DNAH6: variants seen among roughly 807,000 people sequenced by gnomAD.
DNAH6 encodes the protein dynein axonemal heavy chain 6, also known as axonemal beta dynein heavy chain 6.
Under a neutral mutation model 491.4 loss-of-function variants are expected in DNAH6, and 340 were observed. The ratio of observed to expected loss-of-function variants is 0.69; its 90% CI spans 0.63 to 0.76. DNAH6 has a LOEUF of 0.76. Ranked by LOEUF, DNAH6 falls within the 30% of genes least tolerant of loss-of-function variation. DNAH6 has a pLI of 0.00. For synonymous variants in DNAH6, 1,603 were observed against 1,686.1 expected (o/e 0.95, Z 1.21); for missense variants, 4,443 against 4,972.2 (o/e 0.89, Z 3.20).
At position 84,699,619 on chromosome 2, in the gene DNAH6, T is replaced by G; in HGVS notation, c.7703T>G (p.Val2568Gly). Residue 2568 changes from valine (V) to glycine (G), a missense_variant, in exon 48 of 77, where the codon GTG (valine) becomes GGG (glycine). Coordinates refer to ENST00000389394, the MANE Select transcript of DNAH6 (RefSeq NM_001370.2). Reference protein sequence around the residue: ...DEVFQYFISKVRQKLHIVLCM... With the variant: ...DEVFQYFISKGRQKLHIVLCM... ...GTGTTTCAATACTTTATCAGCAAAG[T>G]GCGTCAGAAGCTGCACATTGTTCTC... 1 of 1,551,036 alleles carries G rather than the reference T, an allele frequency of 6.4e-7. No individual in the cohort carries two copies. The highest frequency in any genetic ancestry group is 8.7e-7 in the Non-Finnish European group (1 of 1,146,822).
At chr2:84,510,326 G>C in the DNAH6 span, among the ~76,000 whole-genome samples, 1 of 151,962 alleles carries the variant, frequency 6.6e-6, no homozygotes, top group African/African-American at 2.4e-5. Flanking sequence ...TCATTCATTT[G>C]ATCTTCCATC....
rs962010013 is a variant in DNAH6 at position 84,705,594 on chromosome 2, A to G, written c.8574A>G (p.Gln2858=). 1.3e-6 allele frequency: 2 copies of G among 1,551,670 alleles called. No homozygotes were observed. Among genetic ancestry groups the G allele is most frequent in the Non-Finnish European group, 8.7e-7 (1 of 1,146,972 alleles). Residue 2858 remains glutamine (Q), a synonymous_variant, in exon 52 of 77, where the codon CAA becomes CAG. Coordinates refer to ENST00000389394, the MANE Select transcript of DNAH6 (RefSeq NM_001370.2). ...NIKPQILAKL[Q]KYINNPDFVP... ...AGCCTCAGATATTGGCAAAGCTTCA[A>G]AAGTATATTAATAATCCTGATTTTG...
At chr2:84,663,468 G>A (rs564916026) in intron 37 of DNAH6, among the ~76,000 whole-genome samples, 169 of 152,256 alleles carry the variant, frequency 1.1e-3, no homozygotes, top group South Asian at 6.4e-3. Flanking sequence ...TTCAGCAGCC[G>A]ATTCTATCAA....
chr2:84,665,266 G>A (rs373654421), intron 37 of DNAH6, among the ~76,000 whole-genome samples: 1 of 152,034 alleles, frequency 6.6e-6, no homozygotes, highest in Non-Finnish European at 1.5e-5. Context: ...AACTGAAGGA[G>A]AGAGAGACAC....
chr2:84,521,431 A>C (rs1003396901), intron 2 of DNAH6, among the ~76,000 whole-genome samples: 4 of 150,762 alleles, frequency 2.7e-5, no homozygotes, highest in Non-Finnish European at 5.9e-5. Flanking sequence ...TTGTTTTTTC[A>C]CTCTGTTGAT....
At chr2:84,710,492 A>G in intron 56 of DNAH6, 80 bp downstream of exon 56, 1 of 1,398,840 alleles carries the variant, frequency 7.1e-7, no homozygotes, top group Non-Finnish European at 9.8e-7. Context: ...CCACATCCCC[A>G]TCATGCTAAA....
intron 57 of DNAH6, among the ~76,000 whole-genome samples, chr2:84,714,050 G>A (rs1198611994): frequency 6.6e-6 from 1 of 152,144 alleles, no homozygotes; most frequent in African/African-American, 2.4e-5. Flanking sequence ...AGCTCCCACG[G>A]GAGTCTCCCT....
At chr2:84,772,725 G>A (rs374264044) in intron 64 of DNAH6, among the ~76,000 whole-genome samples, 2 of 151,998 alleles carry the variant, frequency 1.3e-5, no homozygotes, top group African/African-American at 4.8e-5. Context: ...TCTTTAATAA[G>A]GGATAGAACA....
chr2:84,662,047 A>G (rs1195573680), intron 37 of DNAH6, among the ~76,000 whole-genome samples: 18 of 152,148 alleles, frequency 1.2e-4, no homozygotes, highest in Admixed American at 1.2e-3. Context: ...ATTTACATAT[A>G]TGAAACTCTC....
At chr2:84,466,586 C>T in the DNAH6 span, among the ~76,000 whole-genome samples, 2 of 152,208 alleles carry the variant, frequency 1.3e-5, no homozygotes. Flanking sequence ...AAAGATTAGG[C>T]TTCTTCAGCT....
At chr2:84,715,697 A>G (rs1697459987) in intron 58 of DNAH6, 70 bp downstream of exon 58, 3 of 1,414,532 alleles carry the variant, frequency 2.1e-6, no homozygotes, top group African/African-American at 1.4e-5. Context: ...GTTTAGAAAT[A>G]TTGACAAAGA....
In DNAH6 at chr2:84,707,007, A is replaced by G; in HGVS notation, c.8839A>G (p.Lys2947Glu). The G allele has an allele frequency of 6.6e-7, 1 of 1,515,698 alleles. No individual in the cohort carries two copies. The highest frequency in any genetic ancestry group is 1.4e-5 in the African/African-American group (1 of 70,696). 93.9% of individuals were successfully genotyped at this position (1,515,698 alleles called of 1,614,324 possible). ...TGAATATGACAAAGGTGTAAATGAA[A>G]AAGAAAGCCTGGGTAAGTAACTCAT... ...QDEYDKGVNE[K>E]ESLAKTMALT... Residue 2947 changes from lysine (K) to glutamate (E), a missense_variant, in exon 53 of 77, where the codon AAA (lysine) becomes GAA (glutamate). Around this residue, in one of 3 missense-constraint regions of DNAH6, gnomAD observed 1,463 missense variants for 1,656.6 expected, o/e 0.88. Coordinates refer to ENST00000389394, the MANE Select transcript of DNAH6 (RefSeq NM_001370.2).
the DNAH6 span, chr2:84,460,044 G>A: frequency 6.6e-6 from 1 of 152,214 alleles, no homozygotes; most frequent in African/African-American, 2.4e-5. Context: ...TCCCTCTTCT[G>A]TAACAGCTTT....
intron 49 of DNAH6, among the ~76,000 whole-genome samples, chr2:84,701,909 A>T (rs1695939581): frequency 6.6e-6 from 1 of 152,134 alleles, no homozygotes; most frequent in South Asian, 2.1e-4. Flanking sequence ...ATGACCAAAA[A>T]GTGTTTCCTG....
At chr2:84,586,637 T>A (rs1320478239) in intron 15 of DNAH6, among the ~76,000 whole-genome samples, 1 of 152,250 alleles carries the variant, frequency 6.6e-6, no homozygotes, top group African/African-American at 2.4e-5. Context: ...TTCTTATGTA[T>A]GTCTTCATGT....
chr2:84,706,980 G>A lies in DNAH6; in HGVS notation c.8812G>A (p.Asp2938Asn). The A allele has an allele frequency of 6.5e-7, 1 of 1,536,854 alleles. No individual in the cohort carries two copies. ...AGAAGATCAAATACAGGCCTTACAA[G>A]ATGAATATGACAAAGGTGTAAATGA... is the stretch of plus-strand genomic sequence containing the variant. ...QVEDQIQALQ[D>N]EYDKGVNEKE... Residue 2938 changes from aspartate to asparagine, a missense_variant, in exon 53 of 77, where the codon GAT (aspartate) becomes AAT (asparagine). By Grantham distance (23) the Asp-to-Asn change is conservative. Around this residue, in one of 3 missense-constraint regions of DNAH6, gnomAD observed 1,463 missense variants for 1,656.6 expected, o/e 0.88. Transcript: ENST00000389394.
Position 84,658,247 on chromosome 2 carries a change from T to C in DNAH6, c.5758-45T>C, listed in dbSNP as rs193281683. The C allele has an allele frequency of 2.3e-6, 3 of 1,306,876 alleles. No homozygotes were observed. The East Asian group carries it at 8.0e-5, about 35-fold the overall frequency. The allele number at this position is 1,306,876 out of a possible 1,614,324, so 81.0% of individuals were successfully genotyped here. The stretch of plus-strand genomic sequence containing the variant: ...ACCAACCTAATTCTAAACTTAATTA[T>C]ATATTTATCAGGTCTTGCTAAACTA... On this transcript the variant is annotated intron_variant, in intron 35 of 76. Coordinates refer to ENST00000389394, the MANE Select transcript of DNAH6 (RefSeq NM_001370.2).
chr2:84,787,500 T>C (rs1317970561), intron 68 of DNAH6, among the ~76,000 whole-genome samples, 198 bp downstream of exon 68: 1 of 146,616 alleles, frequency 6.8e-6, no homozygotes, highest in Non-Finnish European at 1.5e-5. Context: ...ACACAGAAAA[T>C]GGGACAGCTG....
At chr2:84,580,316 G>GCACACACA (rs36209367) in intron 14 of DNAH6, among the ~76,000 whole-genome samples, 46 of 149,290 alleles carry the variant, frequency 3.1e-4, no homozygotes, top group African/African-American at 1.1e-3. Flanking sequence ...ACATACACAC[G>GCACACACA]CACACACACA....
Sources: gnomAD v4.1 joint callset for allele counts (sites outside exome capture counted in the v4.1 genomes callset) on GRCh38, gnomAD v4.1.1 for gene constraint, gnomAD v4.1.1 regional missense constraint, MANE v1.5 for transcripts, NCBI Gene and HGNC (gene_info 2026-07-23, HGNC 2026-07-21) for gene names.